Variants in MYO1C observed in about 807,000 individuals in gnomAD.
The protein encoded by MYO1C is myosin IC.
MYO1C carries 104 observed loss-of-function variants against 150.8 expected under a neutral mutation model. The ratio of observed to expected loss-of-function variants is 0.69; its 90% CI spans 0.59 to 0.81. The LOEUF (loss-of-function observed/expected upper bound fraction) is 0.81, where lower values mean the gene tolerates loss of function less well. Among genes scored for constraint, MYO1C ranks in the 30% least tolerant of loss-of-function variants. The pLI is 0.00. For missense variants in MYO1C, 1,504 were observed against 1,435.0 expected (o/e 1.05, Z -0.78); for synonymous variants, 663 against 579.9 (o/e 1.14, Z -2.06).
At chr17:1,469,896 G>A (rs1388481345) in intron 24 of MYO1C, among the ~76,000 whole-genome samples, 2 of 152,046 alleles carry the variant, frequency 1.3e-5, no homozygotes, top group Non-Finnish European at 2.9e-5. Context: ...TTAGCCGGGC[G>A]TAGTGGCGGG....
intron 25 of MYO1C, chr17:1,468,963 T>C: frequency 3.4e-6 from 1 of 295,256 alleles, no homozygotes; most frequent in Non-Finnish European, 6.6e-6. Context: ...AACACAGGGT[T>C]CTGAGCAGTC....
At chr17:1,480,996 T>C in intron 5 of MYO1C, 111 bp from the exon 6 acceptor site, 1 of 1,205,126 alleles carries the variant, frequency 8.3e-7, no homozygotes, top group Non-Finnish European at 1.2e-6. Context: ...TGGATGCCAA[T>C]TCCAGCCCTG....
In MYO1C at chr17:1,474,972, C is replaced by G. The variant is rs1461865964; in HGVS notation, c.1635G>C (p.Leu545=). The change falls in exon 15 of 32, where the codon CTG becomes CTC. Residue 545 remains leucine, a synonymous_variant. Transcript: ENST00000648651. The stretch of plus-strand genomic sequence containing the variant: ...TGTAGGTCACCTCCCCCGCATAGTG[C>G]AGAAGGCGGAATTCCCCTCGGCCCA... ...KSLGRGEFRL[L]HYAGEVTYSV... is the part of the protein sequence containing the mutation. The G allele has an allele frequency of 6.4e-7, 1 of 1,569,086 alleles. No homozygotes were observed. The highest frequency in any genetic ancestry group is 8.6e-7 in the Non-Finnish European group (1 of 1,156,424).
intron 25 of MYO1C, chr17:1,469,304 TG>T: frequency 1.8e-6 from 1 of 569,332 alleles, no homozygotes; most frequent in South Asian, 1.9e-5. Context: ...ATACGGTAGG[TG>T]GGGTAAATAC....
At chr17:1,482,787 C>A (rs1305254892) in intron 4 of MYO1C, 74 bp downstream of exon 4, 1 of 1,059,906 alleles carries the variant, frequency 9.4e-7, no homozygotes, top group Non-Finnish European at 1.3e-6. Flanking sequence ...CCCTGCCCTC[C>A]CCTCCCACAC....
intron 1 of MYO1C, chr17:1,484,734 T>C: frequency 2.7e-6 from 1 of 366,602 alleles, no homozygotes; most frequent in South Asian, 2.1e-5. Context: ...CTCCTCTCTC[T>C]GGTTCCTTCC....
intron 31 of MYO1C, 63 bp downstream of exon 31, chr17:1,467,179 C>A: frequency 2.0e-6 from 3 of 1,486,700 alleles, no homozygotes; most frequent in Non-Finnish European, 2.8e-6. Context: ...CTCTGCCAAG[C>A]ACAGCCAAGG....
In MYO1C at chr17:1,485,476, C is replaced by T. The variant is rs1252521198; in HGVS notation, c.76-1173G>A. On this transcript the variant is annotated intron_variant, in intron 1 of 31. Coordinates refer to ENST00000648651, the MANE Select transcript of MYO1C (RefSeq NM_001080779.2). ...CTCGCCCTCGGGTCAGGGGTCTCCGCGTTCTCAGGCGTCCCCGGCGGCTCC... is the reference window on the plus strand; with the variant it reads ...CTCGCCCTCGGGTCAGGGGTCTCCGTGTTCTCAGGCGTCCCCGGCGGCTCC... 8.1e-6 allele frequency: 5 copies of T among 617,192 alleles called. No individual in the cohort carries two copies. In the African/African-American group the frequency reaches 9.9e-5, roughly 12 times the overall value. The allele number at this position is 617,192 out of a possible 1,614,324, so 38.2% of individuals were successfully genotyped here. A position where few individuals can be genotyped will look rare whatever the true frequency, so the allele number is the denominator to read the frequency against.
chr17:1,477,355 T>G (rs2074420271), intron 14 of MYO1C, 150 bp downstream of exon 14: 1 of 718,570 alleles, frequency 1.4e-6, no homozygotes, highest in Admixed American at 2.1e-5. Context: ...GCTTCTTAGT[T>G]TCTGGACACA....
At chr17:1,485,106 G>T in intron 1 of MYO1C, 1 of 1,237,706 alleles carries the variant, frequency 8.1e-7, no homozygotes, top group Non-Finnish European at 1.0e-6. Context: ...GAAGCCTCAG[G>T]GGATGGGGGC....
Position 1,478,543 on chromosome 17 carries a change from C to T in MYO1C, c.1213-51G>A. 3.1e-6 allele frequency: 5 copies of T among 1,613,744 alleles called. No homozygotes were observed. Among genetic ancestry groups the T allele is most frequent in the East Asian group, 2.2e-5 (1 of 44,884 alleles). ...GTGGGCCCCCTGCGCGTGCCAGCCC[C>T]ACCCTGCAGCACCCCCCGCCTCGCC... On this transcript the variant is annotated intron_variant, in intron 10 of 31. Coordinates refer to ENST00000648651, the MANE Select transcript of MYO1C (RefSeq NM_001080779.2). This position sits in a 1 kb window ranked among gnomAD's most constrained non-coding sequence, Gnocchi z 6.3.
intron 3 of MYO1C, among the ~76,000 whole-genome samples, 198 bp downstream of exon 3, chr17:1,483,412 C>T (rs764016545): frequency 1.5e-4 from 23 of 151,530 alleles, no homozygotes; most frequent in Non-Finnish European, 2.5e-4. Flanking sequence ...GGGTGTGAGT[C>T]GGGGTAGGGA....
At chr17:1,470,813 G>C in intron 21 of MYO1C, 124 bp from the exon 22 acceptor site, 1 of 1,083,730 alleles carries the variant, frequency 9.2e-7, no homozygotes, top group South Asian at 1.3e-5. Flanking sequence ...AGCAGGAGGA[G>C]AGTGGTGAAG....
intron 7 of MYO1C, among the ~76,000 whole-genome samples, chr17:1,480,158 A>AG (rs1474161785): frequency 7.0e-6 from 1 of 142,508 alleles, no homozygotes; most frequent in African/African-American, 2.6e-5. Flanking sequence ...AAAAAAAAAA[A>AG]AAAAAAAAAA....
intron 24 of MYO1C, among the ~76,000 whole-genome samples, chr17:1,469,863 C>T (rs1031477626): frequency 6.6e-6 from 1 of 152,064 alleles, no homozygotes; most frequent in African/African-American, 2.4e-5. Flanking sequence ...GGTGAAACCC[C>T]GTCTCTACTA....
At chr17:1,480,670 C>A (rs752909646) in intron 6 of MYO1C, 36 bp downstream of exon 6, 3 of 1,613,938 alleles carry the variant, frequency 1.9e-6, no homozygotes, top group Non-Finnish European at 2.5e-6. Flanking sequence ...GCACCAGATC[C>A]CTGGGTGGCA....
chr17:1,471,344 C>A lies in MYO1C; in HGVS notation c.2022-8G>T. On this transcript the variant is annotated splice_region_variant and splice_polypyrimidine_tract_variant and intron_variant, in intron 19 of 31. Coordinates refer to ENST00000648651, the MANE Select transcript of MYO1C (RefSeq NM_001080779.2). ...GGGCACAGTGACTTGTACCTGGGGA[C>A]AGGAATGCACGCGGCTCCCACCCCA... 1 of 1,612,638 alleles carries A rather than the reference C, an allele frequency of 6.2e-7. No individual in the cohort carries two copies. The highest frequency in any genetic ancestry group is 8.5e-7 in the Non-Finnish European group (1 of 1,179,224).
chr17:1,470,342 G>T lies in MYO1C; in HGVS notation c.2367-8C>A, dbSNP rs186634227. Reference sequence around the variant, plus strand: ...ACGAAGCCTCGGATGAGCCTGGGGTGGGGGGCCAGACAGGGTTGGGGGTGA... The same window carrying T: ...ACGAAGCCTCGGATGAGCCTGGGGTTGGGGGCCAGACAGGGTTGGGGGTGA... On this transcript the variant is annotated splice_region_variant and splice_polypyrimidine_tract_variant and intron_variant, in intron 23 of 31. Transcript: ENST00000648651. 4.9e-3 allele frequency: 7,596 copies of T among 1,535,016 alleles called. 39 individuals are homozygous for T. The highest frequency in any genetic ancestry group is 6.1e-3 in the Non-Finnish European group (6,864 of 1,133,980).
At chr17:1,481,425 G>A (rs990706040) in intron 5 of MYO1C, among the ~76,000 whole-genome samples, 2 of 152,024 alleles carry the variant, frequency 1.3e-5, no homozygotes, top group East Asian at 1.9e-4. Flanking sequence ...CCCCCTAACC[G>A]TTTTCCCTGC....
Sources: gnomAD v4.1 joint callset for allele counts (sites outside exome capture counted in the v4.1 genomes callset) on GRCh38, gnomAD v4.1.1 for gene constraint, Gnocchi (gnomAD v3.1) non-coding constraint, MANE v1.5 for transcripts, NCBI Gene and HGNC (gene_info 2026-07-23, HGNC 2026-07-21) for gene names.